Variants in MLLT10 observed in about 807,000 individuals in gnomAD.
MLLT10 encodes the protein protein AF-10.
A neutral mutation model predicts 129.1 loss-of-function variants in MLLT10; 30 were observed. That is an observed-to-expected ratio of 0.23 (90% CI 0.17 to 0.32). The LOEUF (loss-of-function observed/expected upper bound fraction) is 0.32, where lower values mean the gene tolerates loss of function less well. Among genes scored for constraint, MLLT10 ranks in the 10% least tolerant of loss-of-function variants. The pLI is 1.00. For synonymous variants in MLLT10, 490 were observed against 446.4 expected (o/e 1.10, Z -1.23); for missense variants, 1,119 against 1,268.3 (o/e 0.88, Z 1.79).
chr10:21,616,245 T>TA (rs2045239861), intron 7 of MLLT10, among the ~76,000 whole-genome samples: 1 of 152,102 alleles, frequency 6.6e-6, no homozygotes, highest in East Asian at 1.9e-4. Flanking sequence ...TGAGAGATGA[T>TA]ATAAATAAAA....
At chr10:21,622,049 G>T (rs1004364212) in intron 8 of MLLT10, among the ~76,000 whole-genome samples, 1 of 151,914 alleles carries the variant, frequency 6.6e-6, no homozygotes, top group Non-Finnish European at 1.5e-5. Flanking sequence ...ATTAGCACTG[G>T]TTAGGTACTA....
intron 4 of MLLT10, among the ~76,000 whole-genome samples, chr10:21,588,826 CTTT>C (rs1187261721): frequency 4.4e-5 from 6 of 137,016 alleles, no homozygotes; most frequent in Admixed American, 7.4e-5. Context: ...TGATCTTTTT[CTTT>C]TTTTTTTTTT....
intron 2 of MLLT10, among the ~76,000 whole-genome samples, chr10:21,535,770 TGGAAA>T (rs2033867221): frequency 6.6e-6 from 1 of 152,156 alleles, no homozygotes; most frequent in Non-Finnish European, 1.5e-5. Flanking sequence ...AGTAGTCTGT[TGGAAA>T]GGACTACCAC....
chr10:21,727,877 G>GCCGCAA lies in MLLT10; in HGVS notation c.2015_2020dup (p.Arg672_Asn673dup). 6.2e-7 allele frequency: 1 copy of GCCGCAA among 1,613,970 alleles called. No homozygotes were observed. The highest frequency in any genetic ancestry group is 1.7e-5 in the Admixed American group (1 of 60,008). ...ACAGATCAAGATCTTGGAGACAATA[G>GCCGCAA]CCGCAACCTAGTTGGCAGAGGAAGC... is the stretch of plus-strand genomic sequence containing the variant. On this transcript the variant is annotated inframe_insertion, in exon 16 of 23. Coordinates refer to ENST00000307729, the MANE Select transcript of MLLT10 (RefSeq NM_001195626.3).
intron 9 of MLLT10, among the ~76,000 whole-genome samples, chr10:21,656,173 T>C (rs2131335402): frequency 6.6e-6 from 1 of 152,238 alleles, no homozygotes; most frequent in East Asian, 1.9e-4. Flanking sequence ...CATAGGTTCC[T>C]TTTTGGGGAA....
intron 5 of MLLT10, among the ~76,000 whole-genome samples, chr10:21,610,334 T>C (rs2044476694): frequency 6.6e-6 from 1 of 152,172 alleles, no homozygotes; most frequent in South Asian, 2.1e-4. Context: ...ACTATAGTCC[T>C]AGACTAGAAG....
At chr10:21,540,198 C>G (rs779090660) in intron 3 of MLLT10, among the ~76,000 whole-genome samples, 3 of 152,060 alleles carry the variant, frequency 2.0e-5, no homozygotes, top group African/African-American at 7.2e-5. Context: ...TGAGACCAGC[C>G]TGGCCGACAT....
At position 21,534,446 on chromosome 10, in the gene MLLT10, G is replaced by A. The variant is rs1285604386; in HGVS notation, c.-75G>A. On this transcript the variant is annotated 5_prime_UTR_variant, in exon 1 of 23. Coordinates refer to ENST00000307729, the MANE Select transcript of MLLT10 (RefSeq NM_001195626.3). ...AGGAGGCGGAGGAGGCGGTGGAGGG[G>A]AGGTGGGGGGAATCAGCAAGGACAT... 3 of 502,754 alleles carry A rather than the reference G, an allele frequency of 6.0e-6. No individual in the cohort carries two copies. The highest frequency in any genetic ancestry group is 7.4e-5 in the Admixed American group (2 of 27,168). 31.1% of individuals were successfully genotyped at this position (502,754 alleles called of 1,614,324 possible).
At chr10:21,582,043 T>G (rs1307057730) in intron 3 of MLLT10, among the ~76,000 whole-genome samples, 3 of 152,170 alleles carry the variant, frequency 2.0e-5, no homozygotes, top group African/African-American at 4.8e-5. Flanking sequence ...TATATGTGGT[T>G]GTTGTTATGC....
intron 8 of MLLT10, among the ~76,000 whole-genome samples, chr10:21,642,306 C>T (rs1488301634): frequency 2.6e-5 from 4 of 152,118 alleles, no homozygotes; most frequent in Admixed American, 6.5e-5. Flanking sequence ...GAGCTGAAAT[C>T]GTGCCATTGC....
At chr10:21,722,326 C>T (rs1455036860) in intron 14 of MLLT10, among the ~76,000 whole-genome samples, 1 of 152,154 alleles carries the variant, frequency 6.6e-6, no homozygotes, top group African/African-American at 2.4e-5. Context: ...ATAATAGGTA[C>T]TTCTTTTCCA....
intron 3 of MLLT10, among the ~76,000 whole-genome samples, chr10:21,554,636 T>C (rs556454647): frequency 3.3e-4 from 49 of 150,422 alleles, no homozygotes; most frequent in African/African-American, 1.1e-3. Context: ...TTTTTTTTTG[T>C]ATTTTGGTAG....
At chr10:21,741,198 C>G (rs978990165) in intron 22 of MLLT10, among the ~76,000 whole-genome samples, 3 of 152,150 alleles carry the variant, frequency 2.0e-5, no homozygotes, top group Non-Finnish European at 4.4e-5. Flanking sequence ...CATCACACAC[C>G]GCATTACCTC....
At chr10:21,699,360 A>T (rs970147796) in intron 13 of MLLT10, among the ~76,000 whole-genome samples, 2 of 150,802 alleles carry the variant, frequency 1.3e-5, no homozygotes, top group Non-Finnish European at 3.0e-5. Flanking sequence ...TCTGTTGATT[A>T]TGTCTTTTGC....
intron 5 of MLLT10, among the ~76,000 whole-genome samples, chr10:21,610,984 C>CTTTTTTTTTTTTTTTTTTTTTCTTTT (rs71393913): frequency 7.8e-5 from 8 of 102,868 alleles, no homozygotes; most frequent in Non-Finnish European, 1.4e-4. Context: ...TCTTTTTTCT[C>CTTTTTTTTTTTTTTTTTTTTTCTTTT]TTTTTTTTTT....
At chr10:21,648,774 G>A (rs992955545) in intron 8 of MLLT10, among the ~76,000 whole-genome samples, 3 of 152,184 alleles carry the variant, frequency 2.0e-5, no homozygotes, top group Non-Finnish European at 4.4e-5. Context: ...AGTTGCACAT[G>A]GCTGGGGAGG....
intron 4 of MLLT10, among the ~76,000 whole-genome samples, chr10:21,589,535 C>T (rs1055174123): frequency 9.2e-5 from 14 of 152,066 alleles, no homozygotes; most frequent in Admixed American, 3.9e-4. Flanking sequence ...TGGTTTGTTT[C>T]ACTTGTTCCA....
At chr10:21,543,526 T>G (rs1470253045) in intron 3 of MLLT10, among the ~76,000 whole-genome samples, 1 of 151,938 alleles carries the variant, frequency 6.6e-6, no homozygotes, top group African/African-American at 2.4e-5. Context: ...TGCCCAGGCT[T>G]GGAGTGCAGT....
intron 9 of MLLT10, among the ~76,000 whole-genome samples, chr10:21,660,638 C>G (rs1468382691): frequency 7.4e-6 from 1 of 134,544 alleles, no homozygotes; most frequent in African/African-American, 3.0e-5. Flanking sequence ...AAAAAAAAAG[C>G]CAGGTGTGGT....
Sources: gnomAD v4.1 joint callset for allele counts (sites outside exome capture counted in the v4.1 genomes callset) on GRCh38, gnomAD v4.1.1 for gene constraint, MANE v1.5 for transcripts, NCBI Gene and HGNC (gene_info 2026-07-23, HGNC 2026-07-21) for gene names.